Variants in NARS2 observed in about 807,000 individuals in gnomAD.
NARS2 encodes the protein asparaginyl-tRNA synthetase 2, mitochondrial.
NARS2 carries 60 observed loss-of-function variants against 62.9 expected under a neutral mutation model. The observed-to-expected ratio is 0.95, with a 90% confidence interval of 0.77 to 1.18. NARS2 has a LOEUF of 1.18. Ranked by LOEUF, NARS2 falls within the 50% of genes most tolerant of loss-of-function variation. NARS2 has a pLI of 0.00. For synonymous variants in NARS2, 196 were observed against 200.0 expected, an observed-to-expected ratio of 0.98 and a Z score of 0.17; for missense variants, 619 against 576.4, an observed-to-expected ratio of 1.07 and a Z score of -0.76.
chr11:78,484,497 A>G (rs1053347530), intron 7 of NARS2, among the ~76,000 whole-genome samples: 1 of 152,208 alleles, frequency 6.6e-6, no homozygotes, highest in Non-Finnish European at 1.5e-5. Context: ...CCGTCTGACA[A>G]AGGGCTAGTA....
intron 4 of NARS2, among the ~76,000 whole-genome samples, chr11:78,559,868 G>C (rs1475789304): frequency 6.6e-6 from 1 of 152,210 alleles, no homozygotes; most frequent in African/African-American, 2.4e-5. Flanking sequence ...AGATAAGGAA[G>C]TTAAGGCCCA....
intron 6 of NARS2, among the ~76,000 whole-genome samples, chr11:78,520,490 C>A (rs1861074138): frequency 6.6e-6 from 1 of 152,176 alleles, no homozygotes; most frequent in Non-Finnish European, 1.5e-5. Context: ...TCTGCAAAGA[C>A]CCTGTTTCTA....
At chr11:78,522,053 A>G (rs1178415288) in intron 6 of NARS2, among the ~76,000 whole-genome samples, 2 of 151,958 alleles carry the variant, frequency 1.3e-5, no homozygotes, top group Non-Finnish European at 2.9e-5. Flanking sequence ...TCCTGGGCTT[A>G]AGCGCCCTCC....
chr11:78,473,788 A>G (rs1385907056), intron 9 of NARS2, among the ~76,000 whole-genome samples: 1 of 152,088 alleles, frequency 6.6e-6, no homozygotes, highest in Non-Finnish European at 1.5e-5. Flanking sequence ...TTGTTTGCTT[A>G]TTTTCTAATT....
chr11:78,537,302 C>A (rs1855393961), intron 5 of NARS2, among the ~76,000 whole-genome samples: 1 of 152,124 alleles, frequency 6.6e-6, no homozygotes, highest in African/African-American at 2.4e-5. Context: ...TTCTATCAAT[C>A]TCGGCAAATG....
At chr11:78,526,872 A>C (rs1861314489) in intron 6 of NARS2, among the ~76,000 whole-genome samples, 1 of 152,198 alleles carries the variant, frequency 6.6e-6, no homozygotes. Flanking sequence ...AAGAAAGGTT[A>C]TCCAAACCTT....
At chr11:78,563,829 C>CAAAA (rs1167838676) in intron 4 of NARS2, among the ~76,000 whole-genome samples, 5 of 14,118 alleles carry the variant, frequency 3.5e-4, no homozygotes, top group Admixed American at 1.5e-3. Context: ...AACTCTGTAT[C>CAAAA]AAAAAAAAAA....
chr11:78,439,266 T>C (rs1023242668), intron 13 of NARS2, among the ~76,000 whole-genome samples: 2 of 152,182 alleles, frequency 1.3e-5, no homozygotes, highest in Non-Finnish European at 2.9e-5. Flanking sequence ...CTCGAACTCC[T>C]GACCTCAAGT....
At chr11:78,492,256 T>C (rs528052260) in intron 7 of NARS2, among the ~76,000 whole-genome samples, 6 of 152,146 alleles carry the variant, frequency 3.9e-5, no homozygotes, top group Non-Finnish European at 5.9e-5. Context: ...CTTGTCTAAG[T>C]TGGTCACATA....
chr11:78,531,368 C>G (rs766766185), intron 5 of NARS2, among the ~76,000 whole-genome samples: 2 of 152,054 alleles, frequency 1.3e-5, no homozygotes, highest in Non-Finnish European at 2.9e-5. Flanking sequence ...TAAAATCACA[C>G]AAGGTATCTT....
intron 6 of NARS2, 71 bp downstream of exon 6, chr11:78,528,771 A>G: frequency 1.0e-6 from 1 of 972,696 alleles, no homozygotes; most frequent in Non-Finnish European, 1.6e-6. Flanking sequence ...TTTAGGTTTG[A>G]GCATGGGAAG....
At position 78,559,604 on chromosome 11, in the gene NARS2, G is replaced by C. The variant is rs774161803; in HGVS notation, c.529C>G (p.His177Asp). ...GATGTGATTATTGGAGTATGAATAT[G>C]TACAAAGCCACTGTCCTGAAAAAGA... ...HSFFKDSGFV[H>D]IHTPIITSND... Residue 177 changes from histidine to aspartate, a missense_variant, in exon 5 of 14, where the codon CAT becomes GAT. Coordinates refer to ENST00000281038, the MANE Select transcript of NARS2 (RefSeq NM_024678.6). The C allele has an allele frequency of 1.8e-5, 29 of 1,611,676 alleles. No individual in the cohort carries two copies. Among genetic ancestry groups the C allele is most frequent in the Non-Finnish European group, 2.3e-5 (27 of 1,178,298 alleles).
At chr11:78,574,120 G>A (rs1451429957) in intron 1 of NARS2, among the ~76,000 whole-genome samples, 1 of 152,186 alleles carries the variant, frequency 6.6e-6, no homozygotes, top group Non-Finnish European at 1.5e-5. Context: ...CAAGTTTACA[G>A]GTAATACCCT....
intron 11 of NARS2, among the ~76,000 whole-genome samples, chr11:78,444,413 A>T (rs951198584): frequency 6.6e-6 from 1 of 152,156 alleles, no homozygotes; most frequent in Admixed American, 6.5e-5. Flanking sequence ...ACCATTCTGG[A>T]GTTATCAAAA....
rs140352715 is a variant in NARS2 at position 78,516,235 on chromosome 11, T to A, written c.689+12607A>T. ...CCCAGAGCCAAACACAAACAACATG[T>A]ATTAGGATAACTAAAAAATTGTACA... On this transcript the variant is annotated intron_variant, in intron 6 of 13. Coordinates refer to ENST00000281038, the MANE Select transcript of NARS2 (RefSeq NM_024678.6). Among the ~76,000 whole-genome samples the A allele has an allele frequency of 2.1e-4, 32 of 152,304 alleles. No homozygotes were observed. The East Asian group carries it at 5.8e-3, about 28-fold the overall frequency.
chr11:78,499,939 C>T (rs1181948575), intron 6 of NARS2, among the ~76,000 whole-genome samples: 3 of 152,200 alleles, frequency 2.0e-5, no homozygotes, highest in South Asian at 2.1e-4. Context: ...TTACTCGTGT[C>T]GAAATTATCC....
intron 6 of NARS2, among the ~76,000 whole-genome samples, chr11:78,527,070 G>A (rs1861319878): frequency 6.6e-6 from 1 of 152,158 alleles, no homozygotes; most frequent in Admixed American, 6.5e-5. Flanking sequence ...CTAATTTACA[G>A]ATCTTTCCCA....
chr11:78,445,765 C>T (rs1406821337), intron 11 of NARS2, among the ~76,000 whole-genome samples: 1 of 152,122 alleles, frequency 6.6e-6, no homozygotes, highest in Non-Finnish European at 1.5e-5. Flanking sequence ...GCCTGGGCAA[C>T]ACAGCAAGAC....
intron 9 of NARS2, among the ~76,000 whole-genome samples, chr11:78,471,144 G>A (rs1001352390): frequency 1.3e-5 from 2 of 152,102 alleles, no homozygotes; most frequent in Non-Finnish European, 2.9e-5. Context: ...AGGTAATAAT[G>A]GTGGTGGCAG....
Sources: gnomAD v4.1 joint callset for allele counts (sites outside exome capture counted in the v4.1 genomes callset) on GRCh38, gnomAD v4.1.1 for gene constraint, MANE v1.5 for transcripts, NCBI Gene and HGNC (gene_info 2026-07-23, HGNC 2026-07-21) for gene names.